ANKS1B: variants seen among roughly 807,000 people sequenced by gnomAD.
The protein encoded by ANKS1B is ankyrin repeat and sterile alpha motif domain containing 1B.
A neutral mutation model predicts 148.3 loss-of-function variants in ANKS1B; 36 were observed. The ratio of observed to expected loss-of-function variants is 0.24; its 90% CI spans 0.19 to 0.32. The LOEUF (loss-of-function observed/expected upper bound fraction) is 0.32, where lower values mean the gene tolerates loss of function less well. Among genes scored for constraint, ANKS1B ranks in the 10% least tolerant of loss-of-function variants. The pLI is 1.00. For missense variants in ANKS1B, 1,157 were observed against 1,542.6 expected (o/e 0.75, Z 4.19); for synonymous variants, 542 against 560.8 (o/e 0.97, Z 0.47).
chr12:99,257,231 G>A (rs888655622), intron 12 of ANKS1B, among the ~76,000 whole-genome samples: 1 of 151,510 alleles, frequency 6.6e-6, no homozygotes, highest in Admixed American at 6.6e-5. Context: ...GCAACACAGC[G>A]AGACTCCGTC....
At chr12:99,812,548 CACACACACACAGAGAG>C (rs754475518) in intron 2 of ANKS1B, among the ~76,000 whole-genome samples, 20 of 100,098 alleles carry the variant, frequency 2.0e-4, no homozygotes, top group South Asian at 8.2e-4. Context: ...CACACACACA[CACACACACACAGAGAG>C]AGAGAGAGAG....
At chr12:99,573,412 G>A (rs1266893906) in intron 9 of ANKS1B, among the ~76,000 whole-genome samples, 1 of 151,930 alleles carries the variant, frequency 6.6e-6, no homozygotes, top group Non-Finnish European at 1.5e-5. Context: ...TGGATTTAGG[G>A]ATCAGCATTA....
chr12:99,909,883 G>A (rs11110121), intron 1 of ANKS1B, among the ~76,000 whole-genome samples: 50,469 of 151,508 alleles, frequency 0.33, 8,923 homozygotes, highest in African/African-American at 0.43. Context: ...CATGTATATA[G>A]TGACTATTTC....
At chr12:99,447,855 T>A (rs2095660898) in intron 10 of ANKS1B, among the ~76,000 whole-genome samples, 1 of 151,948 alleles carries the variant, frequency 6.6e-6, no homozygotes, top group Non-Finnish European at 1.5e-5. Context: ...AAAAAATCCC[T>A]AACAACACTA....
chr12:99,758,685 A>G (rs565393138), intron 8 of ANKS1B, among the ~76,000 whole-genome samples: 99 of 152,046 alleles, frequency 6.5e-4, no homozygotes, highest in African/African-American at 2.3e-3. Context: ...CTGGAATTCA[A>G]ACACAAGTCT....
Position 99,637,628 on chromosome 12 carries a change from A to G in ANKS1B, c.1272+17439T>C, listed in dbSNP as rs147512148. ...AAAGAATATGCTGGCTTAGCCTCCCAGCCTACATTTTTCTTTCATGCTGGA... is the reference window on the plus strand; with the variant it reads ...AAAGAATATGCTGGCTTAGCCTCCCGGCCTACATTTTTCTTTCATGCTGGA... On this transcript the variant is annotated intron_variant, in intron 9 of 26. Coordinates refer to ENST00000683438, the MANE Select transcript of ANKS1B (RefSeq NM_001352186.2). Among the ~76,000 whole-genome samples the G allele has an allele frequency of 1.2e-3, 190 of 152,064 alleles. 1 individual carries two copies. Among genetic ancestry groups the G allele is most frequent in the African/African-American group, 4.4e-3 (182 of 41,494 alleles).
intron 17 of ANKS1B, among the ~76,000 whole-genome samples, chr12:99,035,534 A>G (rs540056050): frequency 1.3e-5 from 2 of 152,144 alleles, no homozygotes; most frequent in African/African-American, 2.4e-5. Flanking sequence ...TCTCCCCAGT[A>G]TTTTTGGGTC....
chr12:99,293,190 T>C (rs972883903), intron 12 of ANKS1B, among the ~76,000 whole-genome samples: 2 of 152,214 alleles, frequency 1.3e-5, no homozygotes, highest in Middle Eastern at 3.2e-3. Context: ...GGTGAGTTCA[T>C]GTCCTTTGCA....
chr12:99,694,582 C>A (rs776756195), intron 8 of ANKS1B, among the ~76,000 whole-genome samples: 1 of 151,714 alleles, frequency 6.6e-6, no homozygotes, highest in Non-Finnish European at 1.5e-5. Flanking sequence ...CTCAGCTGAC[C>A]AAAGCATCAT....
intron 8 of ANKS1B, among the ~76,000 whole-genome samples, chr12:99,663,011 G>T (rs768894523): frequency 6.6e-6 from 1 of 152,178 alleles, no homozygotes; most frequent in Non-Finnish European, 1.5e-5. Context: ...TTACACAAGA[G>T]ATCTTACATG....
intron 11 of ANKS1B, among the ~76,000 whole-genome samples, chr12:99,415,791 T>C (rs7316673): frequency 0.42 from 64,214 of 151,780 alleles, 14,230 homozygotes; most frequent in African/African-American, 0.56. Flanking sequence ...TCACGCCATT[T>C]TCCTGCCTCA....
chr12:99,180,868 T>C lies in ANKS1B; in HGVS notation c.2420-26473A>G, dbSNP rs546242618. Among the ~76,000 whole-genome samples, 50 of 148,172 alleles carry C rather than the reference T, an allele frequency of 3.4e-4. No homozygotes were observed. The South Asian group carries it at 0.011, about 34-fold the overall frequency. Reference sequence around the variant, plus strand: ...CCTGCCTTCTTTCTCCCTCTCCACTTTCTCCCCCAAAGCAAGCCATAAAAC... The same window carrying C: ...CCTGCCTTCTTTCTCCCTCTCCACTCTCTCCCCCAAAGCAAGCCATAAAAC... On this transcript the variant is annotated intron_variant, in intron 14 of 26. Coordinates refer to ENST00000683438, the MANE Select transcript of ANKS1B (RefSeq NM_001352186.2).
intron 14 of ANKS1B, among the ~76,000 whole-genome samples, chr12:99,243,604 A>G (rs2089754652): frequency 6.6e-6 from 1 of 152,232 alleles, no homozygotes. Context: ...ACTATTCACA[A>G]TAGCAAAGAC....
chr12:99,870,020 A>G (rs1474690138), intron 1 of ANKS1B, among the ~76,000 whole-genome samples: 1 of 152,116 alleles, frequency 6.6e-6, no homozygotes, highest in Non-Finnish European at 1.5e-5. Flanking sequence ...GATGTTGAGA[A>G]TTAGGGTACA....
At chr12:99,213,675 T>C (rs961962203) in intron 14 of ANKS1B, among the ~76,000 whole-genome samples, 1 of 152,196 alleles carries the variant, frequency 6.6e-6, no homozygotes, top group African/African-American at 2.4e-5. Context: ...GGTTAATGAA[T>C]CAAATAGAAA....
intron 15 of ANKS1B, among the ~76,000 whole-genome samples, chr12:99,125,623 A>C (rs1203811871): frequency 2.6e-5 from 4 of 152,178 alleles, no homozygotes; most frequent in Non-Finnish European, 5.9e-5. Context: ...TCGAGGTGAT[A>C]GATTTGAGAA....
intron 12 of ANKS1B, among the ~76,000 whole-genome samples, chr12:99,250,957 C>T (rs1481334972): frequency 1.3e-5 from 2 of 152,150 alleles, no homozygotes; most frequent in East Asian, 3.9e-4. Flanking sequence ...AAGATCAAGA[C>T]ACCTGCAGAT....
chr12:99,625,332 T>C (rs560082433), intron 9 of ANKS1B, among the ~76,000 whole-genome samples: 1 of 152,180 alleles, frequency 6.6e-6, no homozygotes, highest in African/African-American at 2.4e-5. Flanking sequence ...CAAACCTCAA[T>C]TTCACACAAT....
intron 1 of ANKS1B, among the ~76,000 whole-genome samples, chr12:99,946,997 G>C (rs555304299): frequency 6.6e-6 from 1 of 152,268 alleles, no homozygotes; most frequent in Non-Finnish European, 1.5e-5. Flanking sequence ...GGGGCAGTAG[G>C]TAATTGATCT....
Sources: gnomAD v4.1 joint callset for allele counts (sites outside exome capture counted in the v4.1 genomes callset) on GRCh38, gnomAD v4.1.1 for gene constraint, MANE v1.5 for transcripts, NCBI Gene and HGNC (gene_info 2026-07-23, HGNC 2026-07-21) for gene names.